The following RPS6KC1 variants were observed in gnomAD, a reference collection of about 807,000 sequenced individuals.
The protein encoded by RPS6KC1 is ribosomal protein S6 kinase C1.
Under a neutral mutation model 103.8 loss-of-function variants are expected in RPS6KC1, and 54 were observed. The observed-to-expected ratio is 0.52, with a 90% confidence interval of 0.42 to 0.65. The LOEUF is 0.65. Among genes scored for constraint, RPS6KC1 ranks in the 30% least tolerant of loss-of-function variants. The probability of loss-of-function intolerance (pLI) is 0.00; values close to 1 mark genes in which losing one functional copy is unlikely to be tolerated. For missense variants in RPS6KC1, 1,151 were observed against 1,253.8 expected (o/e 0.92, Z 1.24); for synonymous variants, 439 against 438.7 (o/e 1.00, Z -0.01).
At chr1:213,425,719 C>T in the RPS6KC1 span, among the ~76,000 whole-genome samples, 2 of 152,172 alleles carry the variant, frequency 1.3e-5, no homozygotes, top group African/African-American at 4.8e-5. Flanking sequence ...GCCAAGGTGG[C>T]CACACAATGC....
At chr1:213,335,024 C>G in the RPS6KC1 span, among the ~76,000 whole-genome samples, 1 of 152,178 alleles carries the variant, frequency 6.6e-6, no homozygotes, top group Non-Finnish European at 1.5e-5. Context: ...AGGATTAAAT[C>G]AAATGACTTC....
the RPS6KC1 span, among the ~76,000 whole-genome samples, chr1:213,650,959 G>GGA: frequency 4.6e-5 from 7 of 151,008 alleles, no homozygotes; most frequent in African/African-American, 1.7e-4. Flanking sequence ...GGGGAGAGGG[G>GGA]GAGAGAGAGA....
chr1:213,747,141 G>A, the RPS6KC1 span, among the ~76,000 whole-genome samples: 1 of 152,220 alleles, frequency 6.6e-6, no homozygotes, highest in South Asian at 2.1e-4. Context: ...AACATTAAGA[G>A]TCTGGGAGGA....
the RPS6KC1 span, among the ~76,000 whole-genome samples, chr1:213,456,116 C>T: frequency 1.3e-5 from 2 of 152,166 alleles, no homozygotes; most frequent in Non-Finnish European, 2.9e-5. Context: ...ACAGATGCCT[C>T]ATTCCTATCG....
the RPS6KC1 span, among the ~76,000 whole-genome samples, chr1:213,862,321 A>G: frequency 6.6e-6 from 1 of 152,160 alleles, no homozygotes; most frequent in East Asian, 1.9e-4. Context: ...CCCAATATTT[A>G]CCAAGGAGAC....
intron 8 of RPS6KC1, among the ~76,000 whole-genome samples, chr1:213,186,064 T>C (rs1172228406): frequency 6.6e-6 from 1 of 152,086 alleles, no homozygotes; most frequent in African/African-American, 2.4e-5. Context: ...TGTCTCACTT[T>C]TCATTTTCTA....
chr1:213,355,416 G>C, the RPS6KC1 span, among the ~76,000 whole-genome samples: 1 of 152,016 alleles, frequency 6.6e-6, no homozygotes, highest in Non-Finnish European at 1.5e-5. Context: ...TGGATCCACC[G>C]GCCTTAGACA....
the RPS6KC1 span, among the ~76,000 whole-genome samples, chr1:213,586,111 C>T: frequency 2.6e-5 from 4 of 152,222 alleles, no homozygotes; most frequent in African/African-American, 4.8e-5. Context: ...CCTCCCCTCC[C>T]CTCCCGTTTG....
At chr1:213,298,150 G>A in the RPS6KC1 span, among the ~76,000 whole-genome samples, 1 of 152,130 alleles carries the variant, frequency 6.6e-6, no homozygotes, top group African/African-American at 2.4e-5. Flanking sequence ...CATCATGCTG[G>A]GAATTCTTGA....
intron 6 of RPS6KC1, among the ~76,000 whole-genome samples, chr1:213,137,752 G>GCTCTCT (rs149436919): frequency 0.13 from 1,553 of 12,144 alleles, 172 homozygotes; most frequent in Non-Finnish European, 0.2. Context: ...AGTCCAGTTT[G>GCTCTCT]CTCTCTCTCT....
the RPS6KC1 span, among the ~76,000 whole-genome samples, chr1:213,544,847 T>C: frequency 2.6e-5 from 4 of 152,166 alleles, no homozygotes; most frequent in Non-Finnish European, 5.9e-5. Flanking sequence ...CTTGACCTAG[T>C]CTTTCTGTCT....
chr1:213,859,741 C>T, the RPS6KC1 span, among the ~76,000 whole-genome samples: 2 of 152,128 alleles, frequency 1.3e-5, no homozygotes, highest in African/African-American at 2.4e-5. Flanking sequence ...CAGGTATCAC[C>T]ATCTATGGTG....
chr1:213,060,050 T>G (rs1188791226), intron 1 of RPS6KC1, among the ~76,000 whole-genome samples: 1 of 152,144 alleles, frequency 6.6e-6, no homozygotes, highest in Non-Finnish European at 1.5e-5. Context: ...ACTCCTGGCC[T>G]CAGGTGATCC....
the RPS6KC1 span, among the ~76,000 whole-genome samples, chr1:213,725,168 C>G: frequency 6.6e-6 from 1 of 152,372 alleles, no homozygotes; most frequent in Non-Finnish European, 1.5e-5. Context: ...AATTTCTCAA[C>G]ATAAATTTTC....
chr1:213,202,567 C>T (rs534087339), intron 8 of RPS6KC1, among the ~76,000 whole-genome samples: 87 of 152,172 alleles, frequency 5.7e-4, no homozygotes, highest in African/African-American at 1.9e-3. Context: ...GAGCCAAGAT[C>T]GCCCCACTGC....
chr1:213,197,816 T>TA (rs1490687892), intron 8 of RPS6KC1, among the ~76,000 whole-genome samples: 9 of 152,202 alleles, frequency 5.9e-5, no homozygotes, highest in Non-Finnish European at 1.2e-4. Context: ...CCTTTTTCCA[T>TA]CCCTTTTCCT....
At chr1:213,350,979 T>G in the RPS6KC1 span, among the ~76,000 whole-genome samples, 1 of 152,232 alleles carries the variant, frequency 6.6e-6, no homozygotes, top group Non-Finnish European at 1.5e-5. Flanking sequence ...TAAAACATTT[T>G]AATGACTAAT....
At chr1:213,156,905 A>G (rs1459526474) in intron 6 of RPS6KC1, among the ~76,000 whole-genome samples, 2 of 151,610 alleles carry the variant, frequency 1.3e-5, no homozygotes, top group African/African-American at 4.8e-5. Context: ...TTTTCTCTGT[A>G]TTTCTTCTAT....
At chr1:213,699,886 A>T in the RPS6KC1 span, among the ~76,000 whole-genome samples, 2 of 151,852 alleles carry the variant, frequency 1.3e-5, no homozygotes, top group Admixed American at 6.6e-5. Context: ...CCATTTTTTG[A>T]TCAGATTATT....
Sources: allele counts gnomAD v4.1 joint callset (sites outside exome capture counted in the v4.1 genomes callset), GRCh38; gene constraint gnomAD v4.1.1; transcripts MANE v1.5; gene names NCBI Gene and HGNC (gene_info 2026-07-23, HGNC 2026-07-21).